METTL15: variants seen among roughly 807,000 people sequenced by gnomAD.
METTL15 encodes 12S rRNA N(4)-cytidine methyltransferase METTL15.
METTL15 carries 34 observed loss-of-function variants against 38.3 expected under a neutral mutation model. The ratio of observed to expected loss-of-function variants is 0.89; its 90% CI spans 0.68 to 1.18. The LOEUF (loss-of-function observed/expected upper bound fraction) is 1.18, where lower values mean the gene tolerates loss of function less well. Among genes scored for constraint, METTL15 ranks in the 50% most tolerant of loss-of-function variants. The pLI is 0.00. For missense variants in METTL15, 438 were observed against 498.4 expected (o/e 0.88, Z 1.15); for synonymous variants, 162 against 170.9 (o/e 0.95, Z 0.41).
chr11:28,209,252 A>G (rs1311790759), intron 3 of METTL15, among the ~76,000 whole-genome samples: 1 of 152,016 alleles, frequency 6.6e-6, no homozygotes, highest in Admixed American at 6.6e-5. Context: ...GTTTAAATCT[A>G]TAGTTACAGC....
At chr11:28,353,166 A>G (rs1296629962) in intron 4 of METTL15, among the ~76,000 whole-genome samples, 1 of 152,158 alleles carries the variant, frequency 6.6e-6, no homozygotes, top group Non-Finnish European at 1.5e-5. Context: ...TGTGAGGCCT[A>G]AAGGAGAAGA....
chr11:28,405,004 C>A (rs192867214), intron 5 of METTL15, among the ~76,000 whole-genome samples: 1 of 152,074 alleles, frequency 6.6e-6, no homozygotes, highest in Admixed American at 6.6e-5. Context: ...TAAATGATAC[C>A]AAATAAGAAT....
chr11:28,432,980 G>A (rs898895729), intron 6 of METTL15, among the ~76,000 whole-genome samples: 3 of 144,454 alleles, frequency 2.1e-5, no homozygotes, highest in Non-Finnish European at 3.0e-5. Flanking sequence ...ATTCTTATCT[G>A]TATAAACTAT....
At chr11:28,471,902 A>G (rs1178182963) in intron 6 of METTL15, among the ~76,000 whole-genome samples, 2 of 152,144 alleles carry the variant, frequency 1.3e-5, no homozygotes, top group African/African-American at 2.4e-5. Flanking sequence ...AACTCTCTCA[A>G]TGAACTACTT....
chr11:28,522,535 A>G (rs1356321268), intron 6 of METTL15, among the ~76,000 whole-genome samples: 1 of 152,250 alleles, frequency 6.6e-6, no homozygotes, highest in African/African-American at 2.4e-5. Context: ...GAAGTCCACC[A>G]ATTTAAATAT....
chr11:28,279,868 C>T (rs1565220768), intron 4 of METTL15, among the ~76,000 whole-genome samples: 1 of 148,022 alleles, frequency 6.8e-6, no homozygotes, highest in Non-Finnish European at 1.5e-5. Flanking sequence ...CATTGCACTC[C>T]AGCCTGGGTG....
At chr11:28,232,008 A>G (rs1317929054) in intron 4 of METTL15, among the ~76,000 whole-genome samples, 2 of 151,890 alleles carry the variant, frequency 1.3e-5, no homozygotes, top group South Asian at 2.1e-4. Flanking sequence ...CATTTTCTAT[A>G]TCAAATGTAT....
rs190517307 is a variant in METTL15, at chr11:28,156,458, A to G, written c.270+42854A>G. The stretch of plus-strand genomic sequence containing the variant: ...GCCATAATTGTTCCTGACGGTAGAT[A>G]TTCAGTACAACAGAATCTCAGAAGC... On this transcript the variant is annotated intron_variant, in intron 3 of 6. Transcript: ENST00000407364. Among the ~76,000 whole-genome samples, 499 of 152,326 alleles carry G rather than the reference A, an allele frequency of 3.3e-3. 1 individual carries two copies. The highest frequency in any genetic ancestry group is 6.8e-3 in the Middle Eastern group (2 of 294).
At chr11:28,232,619 A>T (rs1853733053) in intron 4 of METTL15, among the ~76,000 whole-genome samples, 1 of 151,932 alleles carries the variant, frequency 6.6e-6, no homozygotes, top group Non-Finnish European at 1.5e-5. Context: ...AGCATTTTTC[A>T]TATCAGCAAG....
chr11:28,291,976 T>A (rs1369692051), intron 5 of METTL15, among the ~76,000 whole-genome samples: 1 of 152,144 alleles, frequency 6.6e-6, no homozygotes, highest in Non-Finnish European at 1.5e-5. Flanking sequence ...TCTTAAAATG[T>A]TGAATGGCTT....
intron 3 of METTL15, among the ~76,000 whole-genome samples, chr11:28,144,023 T>A (rs1849793857): frequency 6.6e-6 from 1 of 152,176 alleles, no homozygotes; most frequent in Non-Finnish European, 1.5e-5. Flanking sequence ...TCCTTATCAT[T>A]GCTATAATTA....
intron 3 of METTL15, among the ~76,000 whole-genome samples, chr11:28,117,429 T>C (rs1207222683): frequency 6.6e-6 from 1 of 151,976 alleles, no homozygotes; most frequent in Non-Finnish European, 1.5e-5. Flanking sequence ...ATGCTTATGT[T>C]GCACTAAGCC....
chr11:28,125,722 C>T (rs763438205), intron 3 of METTL15: 7 of 151,936 alleles, frequency 4.6e-5, no homozygotes, highest in Non-Finnish European at 7.4e-5. Flanking sequence ...ACGATGATTG[C>T]GTATTCCAGG....
chr11:28,376,807 C>T (rs975286036), intron 5 of METTL15, among the ~76,000 whole-genome samples: 20 of 149,106 alleles, frequency 1.3e-4, no homozygotes, highest in African/African-American at 4.7e-4. Context: ...CCGGTTGTTC[C>T]TTTCCATGTT....
chr11:28,235,191 C>A (rs997210021), intron 4 of METTL15, among the ~76,000 whole-genome samples: 1 of 152,010 alleles, frequency 6.6e-6, no homozygotes, highest in Non-Finnish European at 1.5e-5. Context: ...CAGTACCATG[C>A]TGTTTTGGTT....
intron 6 of METTL15, among the ~76,000 whole-genome samples, chr11:28,462,479 TACAC>T (rs10573384): frequency 0.11 from 15,944 of 146,124 alleles, 1,365 homozygotes; most frequent in East Asian, 0.27. Flanking sequence ...CATACACGCT[TACAC>T]ACACACACAC....
At chr11:28,431,808 G>GAAAAAAAAAA (rs1186274147) in intron 6 of METTL15, among the ~76,000 whole-genome samples, 1 of 87,076 alleles carries the variant, frequency 1.1e-5, no homozygotes, top group African/African-American at 4.7e-5. Context: ...AAAAAAAAAA[G>GAAAAAAAAAA]AAAAAAAAAA....
chr11:28,489,162 G>A (rs1205244587), intron 6 of METTL15, among the ~76,000 whole-genome samples: 1 of 152,090 alleles, frequency 6.6e-6, no homozygotes, highest in African/African-American at 2.4e-5. Flanking sequence ...AGCTCCTCTT[G>A]CTTTGGACAG....
chr11:28,370,524 C>A (rs1850232347), intron 5 of METTL15, among the ~76,000 whole-genome samples: 2 of 151,852 alleles, frequency 1.3e-5, no homozygotes, highest in Non-Finnish European at 2.9e-5. Context: ...TGTGTGAGTG[C>A]AGATATCTTT....
Sources: allele counts gnomAD v4.1 joint callset (sites outside exome capture counted in the v4.1 genomes callset), GRCh38; gene constraint gnomAD v4.1.1; transcripts MANE v1.5; gene names NCBI Gene and HGNC (gene_info 2026-07-23, HGNC 2026-07-21).